CNTNAP2: variants seen among roughly 807,000 people sequenced by gnomAD.
CNTNAP2 encodes the protein contactin associated protein 2.
Under a neutral mutation model 155.2 loss-of-function variants are expected in CNTNAP2, and 98 were observed. The observed-to-expected ratio is 0.63, with a 90% CI of 0.54 to 0.75. The LOEUF (loss-of-function observed/expected upper bound fraction) is 0.75. Among genes scored for constraint, CNTNAP2 ranks in the 30% least tolerant of loss-of-function variants. CNTNAP2 has a pLI of 0.00. For missense variants in CNTNAP2, 1,727 were observed against 1,688.1 expected (o/e 1.02, Z -0.40); for synonymous variants, 651 against 631.2 (o/e 1.03, Z -0.47).
intron 15 of CNTNAP2, among the ~76,000 whole-genome samples, chr7:148,001,231 A>G (rs1801891049): frequency 1.3e-5 from 2 of 152,212 alleles, no homozygotes; most frequent in Admixed American, 6.5e-5. Context: ...ACCTAGTTCA[A>G]AAGAGAACAG....
At chr7:147,159,680 C>A (rs1801989701) in intron 8 of CNTNAP2, among the ~76,000 whole-genome samples, 1 of 152,006 alleles carries the variant, frequency 6.6e-6, no homozygotes, top group Admixed American at 6.6e-5. Flanking sequence ...TTTTTCCATA[C>A]TTATGAATTC....
intron 1 of CNTNAP2, among the ~76,000 whole-genome samples, chr7:146,670,883 C>T (rs1210786204): frequency 6.6e-6 from 1 of 152,174 alleles, no homozygotes; most frequent in Non-Finnish European, 1.5e-5. Context: ...CCTAAGATCC[C>T]TGTCTTATTC....
intron 20 of CNTNAP2, among the ~76,000 whole-genome samples, chr7:148,247,781 G>A (rs1454431156): frequency 6.6e-6 from 1 of 151,572 alleles, no homozygotes; most frequent in Non-Finnish European, 1.5e-5. Context: ...AGCCTCCCCA[G>A]TAGCTGGAAT....
rs150897123 is a variant in CNTNAP2, at chr7:146,347,007, A to T, written c.97+230034A>T. On this transcript the variant is annotated intron_variant, in intron 1 of 23. Transcript: ENST00000361727. ...GGGATCGATGAAAAATATGCCTCCT[A>T]TACAGAACCAAGACTAAAAGGGTCG... is the stretch of plus-strand genomic sequence containing the variant. Among the ~76,000 whole-genome samples, 13 of 152,000 alleles carry T rather than the reference A, an allele frequency of 8.6e-5. 1 individual carries two copies. The highest frequency in any genetic ancestry group is 3.1e-4 in the African/African-American group (13 of 41,454).
At chr7:146,449,986 A>T (rs113139534) in intron 1 of CNTNAP2, among the ~76,000 whole-genome samples, 4,154 of 152,260 alleles carry the variant, frequency 0.027, 88 homozygotes, top group Middle Eastern at 0.061. Flanking sequence ...CTATTTCTAT[A>T]CAGAACACAA....
At chr7:147,350,895 C>A (rs1287037054) in intron 9 of CNTNAP2, among the ~76,000 whole-genome samples, 1 of 151,764 alleles carries the variant, frequency 6.6e-6, no homozygotes, top group Non-Finnish European at 1.5e-5. Context: ...ACCTTATTGA[C>A]CAATACCTAT....
chr7:146,989,439 A>T (rs1160800003), intron 3 of CNTNAP2, among the ~76,000 whole-genome samples: 2 of 152,078 alleles, frequency 1.3e-5, no homozygotes, highest in East Asian at 3.9e-4. Context: ...TTCTCAGCCA[A>T]AGAAATTTGG....
intron 1 of CNTNAP2, among the ~76,000 whole-genome samples, chr7:146,742,985 A>G (rs889720894): frequency 1.2e-3 from 181 of 152,278 alleles, no homozygotes; most frequent in African/African-American, 4.1e-3. Context: ...CTCATTAGAA[A>G]TTAGATTTTT....
intron 2 of CNTNAP2, among the ~76,000 whole-genome samples, chr7:146,818,045 A>G (rs1310371761): frequency 6.6e-6 from 1 of 152,204 alleles, no homozygotes; most frequent in Non-Finnish European, 1.5e-5. Context: ...AATAAATACT[A>G]GTAGTGTGGT....
chr7:148,078,787 T>C (rs1803544084), intron 15 of CNTNAP2, among the ~76,000 whole-genome samples: 1 of 152,198 alleles, frequency 6.6e-6, no homozygotes, highest in Admixed American at 6.5e-5. Flanking sequence ...AGCCTGAGAA[T>C]AGATTTTTGA....
chr7:146,624,013 G>A lies in CNTNAP2; in HGVS notation c.98-150258G>A, dbSNP rs1290200849. Reference sequence around the variant, plus strand: ...TGTGCTCTAACTTAATGGCAAATATGTTGTGTATTGTTAATATATGTTTAC... The same window carrying A: ...TGTGCTCTAACTTAATGGCAAATATATTGTGTATTGTTAATATATGTTTAC... On this transcript the variant is annotated intron_variant, in intron 1 of 23. Transcript: ENST00000361727. 8.5e-5 allele frequency among the ~76,000 whole-genome samples: 13 copies of A among 152,134 alleles called. No individual in the cohort carries two copies. The East Asian group carries it at 2.3e-3, about 27-fold the overall frequency.
chr7:147,873,567 A>G (rs1023396344), intron 13 of CNTNAP2, among the ~76,000 whole-genome samples: 1 of 152,174 alleles, frequency 6.6e-6, no homozygotes, highest in African/African-American at 2.4e-5. Context: ...TAGCTCCCAC[A>G]GGGTCCCTCC....
chr7:146,742,636 A>AT (rs1387674755), intron 1 of CNTNAP2, among the ~76,000 whole-genome samples: 4 of 152,150 alleles, frequency 2.6e-5, no homozygotes, highest in Non-Finnish European at 2.9e-5. Context: ...ATAAGTATGA[A>AT]TTGATTTCAG....
At chr7:147,104,014 G>A (rs1467047484) in intron 4 of CNTNAP2, among the ~76,000 whole-genome samples, 2 of 151,994 alleles carry the variant, frequency 1.3e-5, no homozygotes, top group Non-Finnish European at 2.9e-5. Flanking sequence ...TCCTAGAACA[G>A]CAACAAAAAA....
intron 1 of CNTNAP2, among the ~76,000 whole-genome samples, chr7:146,529,297 T>G (rs991898991): frequency 1.3e-5 from 2 of 152,150 alleles, no homozygotes; most frequent in African/African-American, 4.8e-5. Context: ...AAGAAATTAC[T>G]CAACATAAAT....
intron 8 of CNTNAP2, among the ~76,000 whole-genome samples, chr7:147,289,363 C>A (rs1805251103): frequency 6.7e-6 from 1 of 150,110 alleles, no homozygotes; most frequent in Non-Finnish European, 1.5e-5. Flanking sequence ...CTATTCATGA[C>A]AACTTGTATT....
chr7:146,613,834 C>T (rs1799180489), intron 1 of CNTNAP2, among the ~76,000 whole-genome samples: 1 of 42,598 alleles, frequency 2.3e-5, no homozygotes, highest in East Asian at 2.7e-4. Context: ...GTTCTTTCAG[C>T]TTTTCTTTCA....
intron 21 of CNTNAP2, among the ~76,000 whole-genome samples, chr7:148,328,917 A>C (rs1454532312): frequency 2.1e-5 from 3 of 140,566 alleles, no homozygotes; most frequent in Admixed American, 7.7e-5. Context: ...CGGAGCTTGC[A>C]GTGAGCCGAG....
intron 3 of CNTNAP2, among the ~76,000 whole-genome samples, chr7:146,935,543 C>G (rs1175257651): frequency 6.6e-6 from 1 of 152,154 alleles, no homozygotes; most frequent in Non-Finnish European, 1.5e-5. Flanking sequence ...GGTACTTTTT[C>G]CATGGTTTGG....
Sources: gnomAD v4.1 joint callset for allele counts (sites outside exome capture counted in the v4.1 genomes callset) on GRCh38, gnomAD v4.1.1 for gene constraint, MANE v1.5 for transcripts, NCBI Gene and HGNC (gene_info 2026-07-23, HGNC 2026-07-21) for gene names.